TRIP11: variants seen among roughly 807,000 people sequenced by gnomAD.
TRIP11 encodes the protein thyroid hormone receptor interactor 11.
In TRIP11, 148 loss-of-function variants were observed where a neutral mutation model predicts 223.1. The observed-to-expected ratio is 0.66, with a 90% CI of 0.58 to 0.76. The LOEUF is 0.76. Among genes scored for constraint, TRIP11 ranks in the 30% least tolerant of loss-of-function variants. The pLI, the probability that TRIP11 is intolerant of heterozygous loss-of-function variation, is 0.00. For missense variants in TRIP11, 2,043 were observed against 2,222.0 expected (o/e 0.92, Z 1.62); for synonymous variants, 762 against 772.6 (o/e 0.99, Z 0.23).
intron 16 of TRIP11, among the ~76,000 whole-genome samples, chr14:91,979,455 C>T (rs2140087828): frequency 6.6e-6 from 1 of 152,144 alleles, no homozygotes; most frequent in Non-Finnish European, 1.5e-5. Context: ...TTGATGAAAA[C>T]TTACTAAGAT....
chr14:91,987,165 C>T (rs1018682540), intron 16 of TRIP11, among the ~76,000 whole-genome samples: 1 of 152,152 alleles, frequency 6.6e-6, no homozygotes, highest in Non-Finnish European at 1.5e-5. Context: ...TTCCTTGCTG[C>T]CCATTTTCAG....
chr14:92,008,758 T>C (rs542606790), intron 9 of TRIP11, among the ~76,000 whole-genome samples: 1 of 152,246 alleles, frequency 6.6e-6, no homozygotes, highest in Admixed American at 6.5e-5. Flanking sequence ...GGAGGCTACT[T>C]AGGTGGCTGA....
chr14:92,035,619 C>T (rs2057317333), intron 1 of TRIP11, among the ~76,000 whole-genome samples: 1 of 150,464 alleles, frequency 6.6e-6, no homozygotes, highest in Non-Finnish European at 1.5e-5. Context: ...GCTCTGTCGC[C>T]CAGGCTGGAG....
chr14:91,981,204 C>T (rs1385864312), intron 16 of TRIP11, among the ~76,000 whole-genome samples: 4 of 150,362 alleles, frequency 2.7e-5, no homozygotes, highest in South Asian at 2.1e-4. Flanking sequence ...TTAGTAGAGA[C>T]GGGGTTTCTC....
intron 11 of TRIP11, among the ~76,000 whole-genome samples, chr14:92,000,669 A>T (rs565108167): frequency 1.4e-4 from 21 of 152,360 alleles, no homozygotes; most frequent in Non-Finnish European, 2.2e-4. Context: ...CAAAGTATTC[A>T]GAACCCCCAA....
At chr14:92,026,781 G>T in intron 2 of TRIP11, 1 of 1,228,880 alleles carries the variant, frequency 8.1e-7, no homozygotes, top group Non-Finnish European at 1.2e-6. Flanking sequence ...AAGAAGGATG[G>T]AGATGAAGAT....
chr14:91,980,559 C>G (rs2140088967), intron 16 of TRIP11, among the ~76,000 whole-genome samples: 1 of 152,222 alleles, frequency 6.6e-6, no homozygotes, highest in Admixed American at 6.5e-5. Flanking sequence ...TAGTAAAGTG[C>G]TACATAAAGC....
rs1334058856 is a variant in TRIP11, at chr14:91,968,659, T to TG, written c.*1013dup. On this transcript the variant is annotated 3_prime_UTR_variant, in exon 21 of 21. Coordinates refer to ENST00000267622, the MANE Select transcript of TRIP11 (RefSeq NM_004239.4). Reference sequence around the variant, plus strand: ...AGCTGTTAAAACTAAGTGATATATCTGCACTATATGCTCAACAATAAAAAG... The same window carrying TG: ...AGCTGTTAAAACTAAGTGATATATCTGGCACTATATGCTCAACAATAAAAAG... The TG allele has an allele frequency of 8.8e-6, 2 of 226,094 alleles. No individual in the cohort carries two copies. Among genetic ancestry groups the TG allele is most frequent in the African/African-American group, 4.5e-5 (2 of 44,874 alleles). 14.0% of individuals were successfully genotyped at this position (226,094 alleles called of 1,614,324 possible).
rs1234690341 is a variant in TRIP11, at chr14:92,025,303, C to T, written c.312+7G>A. 4 of 1,602,364 alleles carry T rather than the reference C, an allele frequency of 2.5e-6. No individual in the cohort carries two copies. In the South Asian group the frequency reaches 3.3e-5, roughly 13 times the overall value. On this transcript the variant is annotated splice_region_variant and intron_variant, in intron 3 of 20. Coordinates refer to ENST00000267622, the MANE Select transcript of TRIP11 (RefSeq NM_004239.4). ...AGTACATATGAAGTAACTGTGATAA[C>T]ATTTACCTCTTTTTGTTGAAGTTGA...
chr14:92,035,962 T>C (rs866513036), intron 1 of TRIP11, among the ~76,000 whole-genome samples: 4 of 152,306 alleles, frequency 2.6e-5, no homozygotes, highest in African/African-American at 4.8e-5. Context: ...CTGGGCCACA[T>C]GTGGCCTGCA....
intron 13 of TRIP11, among the ~76,000 whole-genome samples, chr14:91,998,553 CTTTAAAAAGGGTATATAA>C (rs993878715): frequency 2.0e-5 from 3 of 151,810 alleles, no homozygotes; most frequent in African/African-American, 4.8e-5. Context: ...CTCAGTTTTG[CTTTAAAAAGGGTATATAA>C]TGTATACACA....
rs994317097 is a variant in TRIP11 at position 91,978,490 on chromosome 14, T to C, written c.5261-2301A>G. Among the ~76,000 whole-genome samples, 2 of 152,234 alleles carry C rather than the reference T, an allele frequency of 1.3e-5. No individual in the cohort carries two copies. Among genetic ancestry groups the C allele is most frequent in the Non-Finnish European group, 2.9e-5 (2 of 68,014 alleles). On this transcript the variant is annotated intron_variant, in intron 16 of 20. Coordinates refer to ENST00000267622, the MANE Select transcript of TRIP11 (RefSeq NM_004239.4). This position sits in a 1 kb window ranked among gnomAD's most constrained non-coding sequence, Gnocchi z 4.4. ...TATATAATAATTTGGTTATACTGGGTTATATATAAAATATATATGTGTGTA... is the reference window on the plus strand; with the variant it reads ...TATATAATAATTTGGTTATACTGGGCTATATATAAAATATATATGTGTGTA...
At chr14:92,027,729 G>A (rs2140143217) in intron 2 of TRIP11, among the ~76,000 whole-genome samples, 1 of 152,332 alleles carries the variant, frequency 6.6e-6, no homozygotes, top group East Asian at 1.9e-4. Context: ...GACTGATAGT[G>A]AGAAAGAAAG....
intron 15 of TRIP11, 103 bp downstream of exon 15, chr14:91,993,706 T>C: frequency 1.0e-6 from 1 of 966,180 alleles, no homozygotes; most frequent in South Asian, 1.4e-5. Context: ...GGGTAGAAAA[T>C]TTACTAAATG....
chr14:92,033,147 T>G (rs1320762630), intron 2 of TRIP11, 45 bp downstream of exon 2: 2 of 1,456,316 alleles, frequency 1.4e-6, no homozygotes, highest in East Asian at 4.6e-5. Flanking sequence ...GTAACCTTCA[T>G]GACTTCAAAA....
intron 2 of TRIP11, among the ~76,000 whole-genome samples, chr14:92,031,268 A>T (rs2057262298): frequency 6.6e-6 from 1 of 151,854 alleles, no homozygotes; most frequent in Admixed American, 6.6e-5. Flanking sequence ...ACAGGCGCCC[A>T]CCACCATATC....
intron 9 of TRIP11, 50 bp from the exon 10 acceptor site, chr14:92,007,902 C>CA (rs757692238): frequency 5.5e-6 from 8 of 1,454,882 alleles, no homozygotes; most frequent in Admixed American, 2.0e-5. Flanking sequence ...TTGGAGACAC[C>CA]AAAAGATTAA....
Position 92,006,390 on chromosome 14 carries a change from A to C in TRIP11, c.1586T>G (p.Ile529Ser). The C allele has an allele frequency of 1.2e-6, 2 of 1,613,024 alleles. No individual in the cohort carries two copies. The highest frequency in any genetic ancestry group is 1.7e-6 in the Non-Finnish European group (2 of 1,179,678). Residue 529 changes from isoleucine to serine, a missense_variant, in exon 11 of 21, where the codon ATC becomes AGC. Coordinates refer to ENST00000267622, the MANE Select transcript of TRIP11 (RefSeq NM_004239.4). Reference sequence around the variant, plus strand: ...ATTTAGATCTTGTTTCAGTTTACTGATGATGCTATCTCCTTCATTTTGTTG... The same window carrying C: ...ATTTAGATCTTGTTTCAGTTTACTGCTGATGCTATCTCCTTCATTTTGTTG... ...SKQQNEGDSI[I>S]SKLKQDLNDE...
intron 2 of TRIP11, among the ~76,000 whole-genome samples, chr14:92,027,374 T>A (rs1455453510): frequency 6.6e-6 from 1 of 152,144 alleles, no homozygotes; most frequent in Non-Finnish European, 1.5e-5. Flanking sequence ...AACTTTTTTG[T>A]GTATGTACTT....
Sources: gnomAD v4.1 joint callset for allele counts (sites outside exome capture counted in the v4.1 genomes callset) on GRCh38, gnomAD v4.1.1 for gene constraint, Gnocchi (gnomAD v3.1) non-coding constraint, MANE v1.5 for transcripts, NCBI Gene and HGNC (gene_info 2026-07-23, HGNC 2026-07-21) for gene names.